LRRC40: variants seen among roughly 807,000 people sequenced by gnomAD.
The protein encoded by LRRC40 is leucine rich repeat containing 40.
In LRRC40, 76 loss-of-function variants were observed where a neutral mutation model predicts 72.8. The observed-to-expected ratio is 1.04, with a 90% CI of 0.87 to 1.26. LRRC40 has a LOEUF of 1.26. LRRC40 is among the 50% of genes most tolerant of loss of function. The pLI is 0.00. For missense variants in LRRC40, 684 were observed against 698.9 expected, an observed-to-expected ratio of 0.98 and a Z score of 0.24; for synonymous variants, 243 against 254.2, an observed-to-expected ratio of 0.96 and a Z score of 0.42.
At chr1:70,169,588 C>T (rs1304204849) in intron 9 of LRRC40, among the ~76,000 whole-genome samples, 1 of 152,080 alleles carries the variant, frequency 6.6e-6, no homozygotes, top group African/African-American at 2.4e-5. Flanking sequence ...ACTCACATTA[C>T]TAGAATCAGA....
intron 9 of LRRC40, among the ~76,000 whole-genome samples, chr1:70,167,363 C>T (rs1430768670): frequency 6.6e-6 from 1 of 151,918 alleles, no homozygotes; most frequent in African/African-American, 2.4e-5. Context: ...AGTTCAAGAC[C>T]AGCCTGGCCA....
At chr1:70,189,300 A>T (rs1387710899) in intron 1 of LRRC40, 27 bp from the exon 2 acceptor site, 25 of 545,976 alleles carry the variant, frequency 4.6e-5, no homozygotes, top group Non-Finnish European at 5.9e-5. Context: ...CACACCAGGA[A>T]AAAAAAAAAA....
chr1:70,197,750 T>C (rs553219049), intron 1 of LRRC40, among the ~76,000 whole-genome samples: 1 of 151,718 alleles, frequency 6.6e-6, no homozygotes, highest in South Asian at 2.1e-4. Context: ...AGAGAAGAAA[T>C]AAAAAACATG....
intron 9 of LRRC40, among the ~76,000 whole-genome samples, chr1:70,169,356 C>T (rs1336013867): frequency 6.6e-6 from 1 of 152,182 alleles, no homozygotes; most frequent in African/African-American, 2.4e-5. Context: ...CTACAACTGT[C>T]TTGGTAAATT....
intron 9 of LRRC40, among the ~76,000 whole-genome samples, chr1:70,172,799 C>G (rs749921588): frequency 9.2e-5 from 14 of 152,056 alleles, no homozygotes; most frequent in Non-Finnish European, 1.8e-4. Flanking sequence ...CTATGCATAA[C>G]CAACAGAGTT....
intron 5 of LRRC40, among the ~76,000 whole-genome samples, chr1:70,179,945 A>T (rs1006588498): frequency 6.6e-6 from 1 of 152,136 alleles, no homozygotes; most frequent in Non-Finnish European, 1.5e-5. Flanking sequence ...AAAACAACAC[A>T]ATTTTAGAAA....
intron 2 of LRRC40, among the ~76,000 whole-genome samples, chr1:70,188,592 C>T (rs552135312): frequency 3.9e-4 from 59 of 151,922 alleles, no homozygotes; most frequent in African/African-American, 1.4e-3. Context: ...AAAAAATAGC[C>T]GGGTGTGGTG....
chr1:70,162,391 A>G (rs1241642157), intron 9 of LRRC40, among the ~76,000 whole-genome samples: 2 of 152,312 alleles, frequency 1.3e-5, no homozygotes, highest in East Asian at 3.9e-4. Flanking sequence ...TCCCCAGAAC[A>G]GCAACATCAC....
At chr1:70,186,742 T>A (rs200160601) in intron 3 of LRRC40, among the ~76,000 whole-genome samples, 1 of 152,084 alleles carries the variant, frequency 6.6e-6, no homozygotes, top group African/African-American at 2.4e-5. Flanking sequence ...GCAAACAGAG[T>A]TAGCTACAAT....
intron 14 of LRRC40, chr1:70,147,117 T>A (rs1667325046): frequency 6.6e-6 from 1 of 152,192 alleles, no homozygotes. Flanking sequence ...CCCAAATCAA[T>A]GTGTGGCACT....
intron 9 of LRRC40, among the ~76,000 whole-genome samples, chr1:70,168,682 C>A (rs1263853486): frequency 6.6e-6 from 1 of 152,156 alleles, no homozygotes; most frequent in Non-Finnish European, 1.5e-5. Context: ...AGCTAGCTCA[C>A]AGGAGAGAAC....
intron 7 of LRRC40, 136 bp from the exon 8 acceptor site, chr1:70,173,845 A>C: frequency 4.5e-6 from 2 of 448,996 alleles, no homozygotes; most frequent in Admixed American, 4.2e-5. Flanking sequence ...TGCAGACCTA[A>C]AACATTTCCT....
chr1:70,184,710 CTATCT>C (rs760567538), intron 4 of LRRC40, 70 bp downstream of exon 4: 96 of 1,352,612 alleles, frequency 7.1e-5, no homozygotes, highest in Non-Finnish European at 9.2e-5. Flanking sequence ...TTTCAATCAT[CTATCT>C]TAATTTCTCA....
Position 70,145,813 on chromosome 1 carries a change from C to A in LRRC40, c.1796G>T (p.Arg599Leu), listed in dbSNP as rs145973226. ...AGCAACTCCATGTTAAGTAGGAATT[C>A]GGTCTCTCAAATATTCAAGTATAGC... Reference protein sequence around the residue: ...TAAILEYLRDRIPT With the variant: ...TAAILEYLRDLIPT The change falls in exon 15 of 15, where the codon CGA becomes CTA. Residue 599 changes from arginine (R) to leucine (L), a missense_variant. Arg to Leu is a moderately radical substitution (Grantham distance 102). Coordinates refer to ENST00000370952, the MANE Select transcript of LRRC40 (RefSeq NM_017768.5). 1,355 of 1,588,222 alleles carry A rather than the reference C, an allele frequency of 8.5e-4. 4 individuals are homozygous for A. The highest frequency in any genetic ancestry group is 1.5e-3 in the South Asian group (132 of 90,076).
intron 10 of LRRC40, among the ~76,000 whole-genome samples, chr1:70,158,871 C>CT (rs36095627): frequency 4.0e-5 from 6 of 151,272 alleles, no homozygotes; most frequent in Non-Finnish European, 5.9e-5. Context: ...TACTGTCATT[C>CT]TTTTTTTTTA....
intron 6 of LRRC40, among the ~76,000 whole-genome samples, chr1:70,177,749 C>T (rs1668140788): frequency 6.6e-6 from 1 of 152,272 alleles, no homozygotes; most frequent in East Asian, 1.9e-4. Flanking sequence ...ATCAATACAG[C>T]ATGGTACTAT....
chr1:70,173,980 T>C (rs1335031361), intron 7 of LRRC40, among the ~76,000 whole-genome samples: 1 of 152,042 alleles, frequency 6.6e-6, no homozygotes, highest in Non-Finnish European at 1.5e-5. Flanking sequence ...GCTAAAAAAG[T>C]AAATGTTAAA....
intron 11 of LRRC40, among the ~76,000 whole-genome samples, chr1:70,153,972 C>CAAA (rs1042976831): frequency 1.4e-3 from 79 of 58,096 alleles, no homozygotes; most frequent in African/African-American, 4.7e-3. Context: ...GATCCTGTCT[C>CAAA]AAAAAAAAAA....
intron 13 of LRRC40, among the ~76,000 whole-genome samples, chr1:70,150,210 C>A (rs192469403): frequency 6.6e-6 from 1 of 152,258 alleles, no homozygotes; most frequent in East Asian, 1.9e-4. Flanking sequence ...TCAGTCACTG[C>A]ACCTGGCCAG....
Sources: allele counts gnomAD v4.1 joint callset (sites outside exome capture counted in the v4.1 genomes callset), GRCh38; gene constraint gnomAD v4.1.1; transcripts MANE v1.5; gene names NCBI Gene and HGNC (gene_info 2026-07-23, HGNC 2026-07-21).